PALLD: variants seen among roughly 807,000 people sequenced by gnomAD.
The protein encoded by PALLD is palladin, cytoskeletal associated protein.
PALLD carries 61 observed loss-of-function variants against 123.5 expected under a neutral mutation model. The ratio of observed to expected loss-of-function variants is 0.49; its 90% confidence interval spans 0.40 to 0.61. The LOEUF is 0.61. Ranked by LOEUF, PALLD falls within the 20% of genes least tolerant of loss-of-function variation. PALLD has a pLI of 0.00. For synonymous variants in PALLD, 465 were observed against 496.4 expected (o/e 0.94, Z 0.84); for missense variants, 1,273 against 1,377.0 (o/e 0.92, Z 1.20).
intron 10 of PALLD, among the ~76,000 whole-genome samples, chr4:168,769,967 C>T (rs1196132969): frequency 6.6e-6 from 1 of 152,192 alleles, no homozygotes; most frequent in East Asian, 1.9e-4. Flanking sequence ...CCTTCAGCAA[C>T]ATCCATACCA....
At chr4:168,521,983 A>G (rs1468140435) in intron 2 of PALLD, among the ~76,000 whole-genome samples, 2 of 152,176 alleles carry the variant, frequency 1.3e-5, no homozygotes, top group African/African-American at 4.8e-5. Context: ...CCTCCTTCAT[A>G]CAACTAATTA....
chr4:168,841,953 C>G (rs1746097435), intron 10 of PALLD, among the ~76,000 whole-genome samples: 1 of 152,094 alleles, frequency 6.6e-6, no homozygotes, highest in Admixed American at 6.6e-5. Flanking sequence ...AAAAATAAAG[C>G]AAGTATGTAG....
At chr4:168,618,943 T>C (rs1774482182) in intron 2 of PALLD, among the ~76,000 whole-genome samples, 1 of 152,228 alleles carries the variant, frequency 6.6e-6, no homozygotes, top group African/African-American at 2.4e-5. Flanking sequence ...TAGAAGGCAG[T>C]GATAATTTCT....
intron 2 of PALLD, among the ~76,000 whole-genome samples, chr4:168,569,005 G>C (rs1024029431): frequency 6.6e-6 from 1 of 151,984 alleles, no homozygotes; most frequent in African/African-American, 2.4e-5. Flanking sequence ...AGAAAGAAAG[G>C]AAAGAAATTA....
chr4:168,810,474 G>A (rs1740911476), intron 10 of PALLD, among the ~76,000 whole-genome samples: 1 of 152,056 alleles, frequency 6.6e-6, no homozygotes, highest in Non-Finnish European at 1.5e-5. Flanking sequence ...GGCCAACATG[G>A]TGAAACCCCG....
intron 8 of PALLD, among the ~76,000 whole-genome samples, chr4:168,693,540 T>C (rs749156437): frequency 6.6e-6 from 1 of 152,242 alleles, no homozygotes; most frequent in Non-Finnish European, 1.5e-5. Context: ...TTCCTCTTTG[T>C]GTTCACTGAA....
intron 10 of PALLD, among the ~76,000 whole-genome samples, chr4:168,857,216 C>T (rs905548104): frequency 5.3e-5 from 8 of 152,188 alleles, no homozygotes; most frequent in African/African-American, 1.7e-4. Context: ...AATGAGAACT[C>T]GGTGAGTGGG....
chr4:168,760,723 A>T (rs1581333327), intron 10 of PALLD, among the ~76,000 whole-genome samples: 1 of 152,184 alleles, frequency 6.6e-6, no homozygotes, highest in East Asian at 1.9e-4. Flanking sequence ...TTGATTCTGG[A>T]TATTGAATGT....
At chr4:168,637,118 C>T (rs1776421450) in intron 2 of PALLD, among the ~76,000 whole-genome samples, 1 of 152,152 alleles carries the variant, frequency 6.6e-6, no homozygotes, top group African/African-American at 2.4e-5. Context: ...AATGTTTCTA[C>T]TTAAAGATAG....
chr4:168,920,097 A>AC, intron 17 of PALLD, among the ~76,000 whole-genome samples: 1 of 152,140 alleles, frequency 6.6e-6, no homozygotes, highest in Non-Finnish European at 1.5e-5. Flanking sequence ...TAGATGTGGG[A>AC]ACAACAAGGA....
chr4:168,699,907 A>G (rs1019911167), intron 8 of PALLD: 23 of 153,152 alleles, frequency 1.5e-4, no homozygotes, highest in Admixed American at 6.5e-4. Context: ...AAATTTTTCC[A>G]TTTATACTGG....
At chr4:168,853,838 G>A (rs1216175883) in intron 10 of PALLD, among the ~76,000 whole-genome samples, 3 of 152,166 alleles carry the variant, frequency 2.0e-5, no homozygotes, top group East Asian at 1.9e-4. Flanking sequence ...AGAGAACAGC[G>A]TGTGGGAGAA....
At chr4:168,540,990 A>G (rs1259723059) in intron 2 of PALLD, among the ~76,000 whole-genome samples, 1 of 152,348 alleles carries the variant, frequency 6.6e-6, no homozygotes, top group African/African-American at 2.4e-5. Context: ...TTGACCTATC[A>G]TGGAGACGGT....
intron 2 of PALLD, among the ~76,000 whole-genome samples, chr4:168,600,049 A>G (rs1009992043): frequency 6.6e-6 from 1 of 150,804 alleles, no homozygotes; most frequent in South Asian, 2.1e-4. Flanking sequence ...ATGTGTATAC[A>G]CACATATATA....
chr4:168,912,188 C>T (rs1759107974), intron 15 of PALLD, among the ~76,000 whole-genome samples: 1 of 152,186 alleles, frequency 6.6e-6, no homozygotes, highest in African/African-American at 2.4e-5. Flanking sequence ...CAGAACACTG[C>T]AGCTTCTGTT....
chr4:168,640,541 G>A (rs1321056819), intron 2 of PALLD, among the ~76,000 whole-genome samples: 1 of 152,190 alleles, frequency 6.6e-6, no homozygotes, highest in African/African-American at 2.4e-5. Context: ...TCACCAGAAA[G>A]CCTTCCAAGA....
intron 10 of PALLD, among the ~76,000 whole-genome samples, chr4:168,809,070 A>G (rs1330216087): frequency 1.3e-5 from 2 of 152,136 alleles, no homozygotes; most frequent in Non-Finnish European, 2.9e-5. Flanking sequence ...TACATCCAAT[A>G]TTGGAAGCAT....
At chr4:168,520,673 CCT>C (rs1763478662) in intron 2 of PALLD, among the ~76,000 whole-genome samples, 1 of 152,096 alleles carries the variant, frequency 6.6e-6, no homozygotes, top group Admixed American at 6.6e-5. Context: ...AAATATTGCC[CCT>C]GTTGCATGGA....
At chr4:168,797,353 G>A (rs1738654260) in intron 10 of PALLD, among the ~76,000 whole-genome samples, 1 of 151,730 alleles carries the variant, frequency 6.6e-6, no homozygotes, top group Non-Finnish European at 1.5e-5. Context: ...TCCAAAAGTT[G>A]AGTATATTTA....
Sources: allele counts gnomAD v4.1 joint callset (sites outside exome capture counted in the v4.1 genomes callset), GRCh38; gene constraint gnomAD v4.1.1; transcripts MANE v1.5; gene names NCBI Gene and HGNC (gene_info 2026-07-23, HGNC 2026-07-21).